Variants in TMCO4 observed in about 807,000 individuals in gnomAD.
TMCO4 encodes the protein transmembrane and coiled-coil domains 4.
TMCO4 carries 58 observed loss-of-function variants against 64.7 expected under a neutral mutation model. That is an observed-to-expected ratio of 0.90 (90% CI 0.73 to 1.12). TMCO4 has a LOEUF of 1.12. Ranked by LOEUF, TMCO4 falls within the 50% of genes most tolerant of loss-of-function variation. The probability of loss-of-function intolerance (pLI) is 0.00; values close to 1 mark genes in which losing one functional copy is unlikely to be tolerated. For missense variants in TMCO4, 780 were observed against 825.9 expected (o/e 0.94, Z 0.68); for synonymous variants, 325 against 346.1 (o/e 0.94, Z 0.68).
In TMCO4 at chr1:19,755,707, G is replaced by C. The variant is rs2042220590; in HGVS notation, c.442C>G (p.Pro148Ala). ...TCAAGGACATCCAGCTCCTCCAAGG[G>C]CACTTGGAGCAGGGAGGTCATGTGG... ...VCHMTSLLQV[P>A]LEELDVLEEM... The change falls in exon 7 of 16, where the codon CCC becomes GCC. Residue 148 changes from proline to alanine, a missense_variant. Pro to Ala is a conservative substitution (Grantham distance 27). Coordinates refer to ENST00000294543, the MANE Select transcript of TMCO4 (RefSeq NM_181719.7). The C allele has an allele frequency of 6.2e-7, 1 of 1,614,008 alleles. No homozygotes were observed. The highest frequency in any genetic ancestry group is 1.1e-5 in the South Asian group (1 of 91,070).
rs999302876 is a variant in TMCO4, at chr1:19,734,610, C to T, written c.1264+2762G>A. Among the ~76,000 whole-genome samples, 40 of 152,210 alleles carry T rather than the reference C, an allele frequency of 2.6e-4. No homozygotes were observed. Among genetic ancestry groups the T allele is most frequent in the South Asian group, 6.2e-4 (3 of 4,812 alleles). ...ATTTCCCACCAACCCACCTGGGGGG[C>T]CTCTTACGTGGGCTGCAGAGACACC... is the stretch of plus-strand genomic sequence containing the variant. On this transcript the variant is annotated intron_variant, in intron 13 of 15. Coordinates refer to ENST00000294543, the MANE Select transcript of TMCO4 (RefSeq NM_181719.7). This position sits in a 1 kb window ranked among gnomAD's most constrained non-coding sequence, Gnocchi z 4.4.
rs148193546 is a variant in TMCO4 at position 19,744,396 on chromosome 1, G to A, written c.877+1136C>T. ...ACGTGATGTTCCTCACTTAATCTTT[G>A]CAGCATCCTGAAAAGGTGGCAGTAA... On this transcript the variant is annotated intron_variant, in intron 10 of 15. Coordinates refer to ENST00000294543, the MANE Select transcript of TMCO4 (RefSeq NM_181719.7). Among the ~76,000 whole-genome samples, 53 of 152,220 alleles carry A rather than the reference G, an allele frequency of 3.5e-4. 1 individual carries two copies. Among genetic ancestry groups the A allele is most frequent in the African/African-American group, 1.3e-3 (52 of 41,534 alleles).
intron 7 of TMCO4, among the ~76,000 whole-genome samples, chr1:19,753,298 C>T (rs1238763319): frequency 6.6e-6 from 1 of 152,206 alleles, no homozygotes; most frequent in Non-Finnish European, 1.5e-5. Flanking sequence ...CATGAGCTCA[C>T]ATCTTCTGAG....
At chr1:19,782,066 T>C (rs2043518856) in intron 3 of TMCO4, among the ~76,000 whole-genome samples, 1 of 152,172 alleles carries the variant, frequency 6.6e-6, no homozygotes, top group South Asian at 2.1e-4. Context: ...GCAATTCCAC[T>C]CCTGAGAAAT....
chr1:19,715,794 G>A (rs1326053336), intron 13 of TMCO4, among the ~76,000 whole-genome samples: 1 of 152,192 alleles, frequency 6.6e-6, no homozygotes, highest in Non-Finnish European at 1.5e-5. Context: ...AGGTGGTGCT[G>A]TGGTGACCAT....
chr1:19,740,302 A>G (rs2095473467), intron 11 of TMCO4, among the ~76,000 whole-genome samples: 1 of 152,114 alleles, frequency 6.6e-6, no homozygotes, highest in Admixed American at 6.5e-5. Flanking sequence ...AAAGACATTA[A>G]TAGATGTGAG....
chr1:19,780,913 A>G (rs1334184624), intron 3 of TMCO4, 147 bp from the exon 4 acceptor site: 2 of 672,564 alleles, frequency 3.0e-6, no homozygotes, highest in Admixed American at 6.2e-5. Flanking sequence ...TAGGAGAGTG[A>G]GAACACACAC....
chr1:19,706,977 G>A (rs1280493706), intron 13 of TMCO4, among the ~76,000 whole-genome samples: 1 of 152,202 alleles, frequency 6.6e-6, no homozygotes, highest in Non-Finnish European at 1.5e-5. Flanking sequence ...AAATGGGTGG[G>A]TCTTGTGGTA....
intron 14 of TMCO4, among the ~76,000 whole-genome samples, chr1:19,698,034 A>C (rs749528285): frequency 1.2e-4 from 18 of 152,118 alleles, no homozygotes; most frequent in Non-Finnish European, 1.5e-4. Context: ...CCCTGAGGGC[A>C]GGTCTGTGCC....
At chr1:19,797,409 T>C (rs1254337072) in intron 2 of TMCO4, among the ~76,000 whole-genome samples, 2 of 151,952 alleles carry the variant, frequency 1.3e-5, no homozygotes, top group African/African-American at 4.8e-5. Flanking sequence ...GGGGTAGAAG[T>C]GGCCTGGAAG....
At chr1:19,754,972 G>C (rs887159468) in intron 7 of TMCO4, among the ~76,000 whole-genome samples, 2 of 152,092 alleles carry the variant, frequency 1.3e-5, no homozygotes, top group Non-Finnish European at 2.9e-5. Flanking sequence ...CCAATGTCAA[G>C]CAGTGGACAG....
chr1:19,784,845 T>TAAAAAAAAAAAAAAAAAAAAAAAA (rs34693780), intron 3 of TMCO4, among the ~76,000 whole-genome samples: 1 of 97,846 alleles, frequency 1.0e-5, no homozygotes. Context: ...GCTGATGCAC[T>TAAAAAAAAAAAAAAAAAAAAAAAA]AAAAAAAAAA....
chr1:19,751,909 G>A (rs1056834756), intron 7 of TMCO4, among the ~76,000 whole-genome samples: 6 of 151,956 alleles, frequency 3.9e-5, no homozygotes, highest in African/African-American at 7.2e-5. Flanking sequence ...TTAGCTGGGC[G>A]TGGTGGCGGG....
intron 12 of TMCO4, chr1:19,738,336 C>T (rs1424767386): frequency 6.6e-6 from 1 of 152,258 alleles, no homozygotes; most frequent in Non-Finnish European, 1.5e-5. Context: ...CTGAGTTTGA[C>T]TGGGCACACG....
intron 6 of TMCO4, among the ~76,000 whole-genome samples, chr1:19,768,613 A>G (rs960727142): frequency 2.0e-5 from 3 of 152,300 alleles, no homozygotes; most frequent in South Asian, 4.1e-4. Flanking sequence ...TGCTACATAA[A>G]GTATTACCGA....
chr1:19,723,068 C>T (rs935722610), intron 13 of TMCO4, among the ~76,000 whole-genome samples: 7 of 152,144 alleles, frequency 4.6e-5, no homozygotes, highest in South Asian at 2.1e-4. Flanking sequence ...CAAGGCAAGT[C>T]GCTGGAGGAG....
intron 13 of TMCO4, among the ~76,000 whole-genome samples, chr1:19,735,614 G>A (rs2095450614): frequency 6.6e-6 from 1 of 152,098 alleles, no homozygotes. Flanking sequence ...CTCACATTCT[G>A]GGGACAGCTG....
rs775174969 is a variant in TMCO4, at chr1:19,682,568, G to A, written c.*472C>T. 5.6e-6 allele frequency: 4 copies of A among 714,892 alleles called. No homozygotes were observed. Among genetic ancestry groups the A allele is most frequent in the Non-Finnish European group, 1.0e-5 (4 of 383,476 alleles). 44.3% of individuals were successfully genotyped at this position (714,892 alleles called of 1,614,324 possible). A position where few individuals can be genotyped will look rare whatever the true frequency, so the allele number is the denominator to read the frequency against. Reference sequence around the variant, plus strand: ...CCTGCTCTGTTGCTGCCAGTTGATGGTGCCTGTCAGCTGGTGGGCAGCCCT... The same window carrying A: ...CCTGCTCTGTTGCTGCCAGTTGATGATGCCTGTCAGCTGGTGGGCAGCCCT... On this transcript the variant is annotated 3_prime_UTR_variant, in exon 16 of 16. Coordinates refer to ENST00000294543, the MANE Select transcript of TMCO4 (RefSeq NM_181719.7).
chr1:19,724,086 G>A (rs1570766688), intron 13 of TMCO4, among the ~76,000 whole-genome samples: 1 of 152,142 alleles, frequency 6.6e-6, no homozygotes, highest in African/African-American at 2.4e-5. Flanking sequence ...GGGGCTGGTC[G>A]GCCTTTAGTT....
Sources: gnomAD v4.1 joint callset for allele counts (sites outside exome capture counted in the v4.1 genomes callset) on GRCh38, gnomAD v4.1.1 for gene constraint, Gnocchi (gnomAD v3.1) non-coding constraint, MANE v1.5 for transcripts, NCBI Gene and HGNC (gene_info 2026-07-23, HGNC 2026-07-21) for gene names.